The following ZNF492 variants were observed in gnomAD, a reference collection of about 807,000 sequenced individuals.
ZNF492 encodes the protein zinc finger protein 115 (Y20).
A neutral mutation model predicts 6.4 loss-of-function variants in ZNF492; 3 were observed. The ratio of observed to expected loss-of-function variants is 0.47; its 90% CI spans 0.21 to 1.22. The LOEUF (loss-of-function observed/expected upper bound fraction) is 1.22. Among genes scored for constraint, ZNF492 ranks in the 50% most tolerant of loss-of-function variants. The pLI is 0.22. For missense variants in ZNF492, 356 were observed against 612.5 expected (o/e 0.58, Z 4.42); for synonymous variants, 112 against 205.3 (o/e 0.55, Z 3.89).
Position 22,665,757 on chromosome 19 carries a change from T to C in ZNF492, c.*492T>C, listed in dbSNP as rs183423288. Reference sequence around the variant, plus strand: ...TGTAATAAATTTAGAAAAAAACATTTATTCAAAAACTACAGGTTAGAAAAT... The same window carrying C: ...TGTAATAAATTTAGAAAAAAACATTCATTCAAAAACTACAGGTTAGAAAAT... On this transcript the variant is annotated 3_prime_UTR_variant, in exon 4 of 4. Transcript: ENST00000456783. 1 of 154,438 alleles carries C rather than the reference T, an allele frequency of 6.5e-6. No individual in the cohort carries two copies. Among genetic ancestry groups the C allele is most frequent in the Admixed American group, 6.4e-5 (1 of 15,736 alleles). 9.6% of individuals were successfully genotyped at this position (154,438 alleles called of 1,614,324 possible).
intron 1 of ZNF492, among the ~76,000 whole-genome samples, chr19:22,642,737 C>T (rs1203256318): frequency 6.6e-6 from 1 of 152,016 alleles, no homozygotes; most frequent in Admixed American, 6.6e-5. Context: ...ACCTGAGATT[C>T]ATTGCTTTGT....
intron 1 of ZNF492, among the ~76,000 whole-genome samples, chr19:22,652,877 C>T (rs1971955872): frequency 6.6e-6 from 1 of 152,122 alleles, no homozygotes; most frequent in African/African-American, 2.4e-5. Context: ...TCGCTCCCAG[C>T]CCAGATTTTC....
chr19:22,636,175 C>T (rs137892764), intron 1 of ZNF492, among the ~76,000 whole-genome samples: 12,126 of 151,588 alleles, frequency 0.08, 1,567 homozygotes, highest in African/African-American at 0.28. Flanking sequence ...TCTCGGCTCA[C>T]GGCAACCTCC....
At chr19:22,639,360 AT>A (rs1330058740) in intron 1 of ZNF492, among the ~76,000 whole-genome samples, 1 of 151,946 alleles carries the variant, frequency 6.6e-6, no homozygotes, top group Non-Finnish European at 1.5e-5. Flanking sequence ...GATGCTACTA[AT>A]TTTTGTACAT....
At chr19:22,657,704 A>G (rs191355366) in intron 3 of ZNF492, among the ~76,000 whole-genome samples, 26 of 152,206 alleles carry the variant, frequency 1.7e-4, no homozygotes, top group African/African-American at 4.8e-4. Flanking sequence ...GTTTCTTAAC[A>G]TAAGTTTATT....
At chr19:22,643,029 C>A in intron 1 of ZNF492, among the ~76,000 whole-genome samples, 1 of 152,010 alleles carries the variant, frequency 6.6e-6, no homozygotes, top group African/African-American at 2.4e-5. Flanking sequence ...TTTGGGAGGC[C>A]GAGGCGGGCT....
Position 22,666,216 on chromosome 19 carries a change from T to G in ZNF492, c.*951T>G, listed in dbSNP as rs1972125930. The G allele has an allele frequency of 6.8e-6, 1 of 146,418 alleles. No individual in the cohort carries two copies. The highest frequency in any genetic ancestry group is 2.7e-5 in the African/African-American group (1 of 37,080). The allele number at this position is 146,418 out of a possible 1,614,324, so 9.1% of individuals were successfully genotyped here. On this transcript the variant is annotated 3_prime_UTR_variant, in exon 4 of 4. Transcript: ENST00000456783. ...TTTTTTTTTTTTTTTAGATGGAGTC[T>G]TGCTCTATCGCCCCCCCAGGCTGGA... is the stretch of plus-strand genomic sequence containing the variant.
chr19:22,649,477 T>C lies in ZNF492; in HGVS notation c.-93-3830T>C, dbSNP rs372605753. ...TCCTGAATTTGAATGTTAGCTTGTC[T>C]TGCTAAACTGGGGAAGTTCTCCTGG... On this transcript the variant is annotated intron_variant, in intron 1 of 3. Transcript: ENST00000456783. Among the ~76,000 whole-genome samples, 5 of 152,344 alleles carry C rather than the reference T, an allele frequency of 3.3e-5. No individual in the cohort carries two copies. The East Asian group carries it at 9.6e-4, about 29-fold the overall frequency.
chr19:22,641,935 A>C (rs1971829199), intron 1 of ZNF492, among the ~76,000 whole-genome samples: 1 of 152,072 alleles, frequency 6.6e-6, no homozygotes, highest in Non-Finnish European at 1.5e-5. Flanking sequence ...CTAGGACTAC[A>C]GGCGCCTGCC....
rs1364607560 is a variant in ZNF492, at chr19:22,653,294, G to C, written c.-93-13G>C. On this transcript the variant is annotated splice_polypyrimidine_tract_variant and intron_variant, in intron 1 of 3. Transcript: ENST00000456783. ...ACTTGGTAAATATGTATGTGTGTTT[G>C]TATGTTTTTCAGGGAGTGTTGACAT... The C allele has an allele frequency of 5.3e-5, 85 of 1,611,000 alleles. No homozygotes were observed. The highest frequency in any genetic ancestry group is 5.9e-5 in the Non-Finnish European group (70 of 1,179,360).
chr19:22,637,040 C>G (rs2068358230), intron 1 of ZNF492, among the ~76,000 whole-genome samples: 1 of 146,532 alleles, frequency 6.8e-6, no homozygotes, highest in Non-Finnish European at 1.5e-5. Flanking sequence ...ACTGCAATCT[C>G]TGCCTCCTGG....
chr19:22,638,695 G>A (rs1364035478), intron 1 of ZNF492, among the ~76,000 whole-genome samples: 1 of 151,592 alleles, frequency 6.6e-6, no homozygotes, highest in Admixed American at 6.6e-5. Context: ...TGGCTATTTG[G>A]GCCCTTTTTT....
chr19:22,640,382 G>A (rs993694674), intron 1 of ZNF492, among the ~76,000 whole-genome samples: 4 of 152,096 alleles, frequency 2.6e-5, no homozygotes, highest in African/African-American at 9.7e-5. Flanking sequence ...GGCTGGTCTC[G>A]AACTCCTGAC....
chr19:22,658,464 A>G (rs549871406), intron 3 of ZNF492, among the ~76,000 whole-genome samples: 1 of 149,862 alleles, frequency 6.7e-6, no homozygotes, highest in East Asian at 1.9e-4. Context: ...TATTTTATAA[A>G]AGATTTCTAG....
intron 3 of ZNF492, among the ~76,000 whole-genome samples, chr19:22,655,185 T>C (rs1035094785): frequency 2.6e-5 from 4 of 151,636 alleles, no homozygotes; most frequent in Non-Finnish European, 5.9e-5. Context: ...TTCCAGCTAC[T>C]TGGGAGGCTG....
chr19:22,651,403 C>G (rs552045813), intron 1 of ZNF492, among the ~76,000 whole-genome samples: 1 of 152,192 alleles, frequency 6.6e-6, no homozygotes, highest in South Asian at 2.1e-4. Context: ...AAACATGTCT[C>G]AGATGAAGAA....
At chr19:22,656,423 T>TA (rs1225314950) in intron 3 of ZNF492, among the ~76,000 whole-genome samples, 1 of 151,998 alleles carries the variant, frequency 6.6e-6, no homozygotes, top group Non-Finnish European at 1.5e-5. Context: ...AGGATGTAGA[T>TA]GAGTTTGGCT....
intron 1 of ZNF492, among the ~76,000 whole-genome samples, chr19:22,650,421 A>AATGTG (rs1971927944): frequency 1.3e-5 from 2 of 151,526 alleles, no homozygotes; most frequent in African/African-American, 4.9e-5. Flanking sequence ...AACCCATTTA[A>AATGTG]TGAAGCACTT....
Position 22,665,323 on chromosome 19 carries a change from G to A in ZNF492, c.*58G>A. The stretch of plus-strand genomic sequence containing the variant: ...GTTATCACACTGGATTGTAGGTAAG[G>A]TAATTCATTCTGGAGAAAACTTCTA... On this transcript the variant is annotated 3_prime_UTR_variant, in exon 4 of 4. Transcript: ENST00000456783. 3 of 1,495,118 alleles carry A rather than the reference G, an allele frequency of 2.0e-6. No homozygotes were observed. Among genetic ancestry groups the A allele is most frequent in the Middle Eastern group, 1.8e-4 (1 of 5,526 alleles). 92.6% of individuals were successfully genotyped at this position (1,495,118 alleles called of 1,614,324 possible).
Sources: allele counts gnomAD v4.1 joint callset (sites outside exome capture counted in the v4.1 genomes callset), GRCh38; gene constraint gnomAD v4.1.1; transcripts MANE v1.5; gene names NCBI Gene and HGNC (gene_info 2026-07-23, HGNC 2026-07-21).